Variants in MRC2 observed in about 807,000 individuals in gnomAD.
MRC2 encodes mannose receptor C-type 2, also known as C-type mannose receptor 2.
Under a neutral mutation model 206.2 loss-of-function variants are expected in MRC2, and 84 were observed. That is an observed-to-expected ratio of 0.41 (90% CI 0.34 to 0.49). The LOEUF is 0.49. MRC2 is among the 20% of genes least tolerant of loss of function. MRC2 has a pLI of 0.31. For missense variants in MRC2, 1,676 were observed against 2,001.5 expected, an observed-to-expected ratio of 0.84 and a Z score of 3.10; for synonymous variants, 798 against 800.0, an observed-to-expected ratio of 1.00 and a Z score of 0.04.
chr17:62,689,750 C>G lies in MRC2; in HGVS notation c.3563C>G (p.Ala1188Gly). Residue 1188 changes from alanine (A) to glycine (G), a missense_variant, in exon 24 of 30, where the codon GCT becomes GGT. Ala to Gly is a moderately conservative substitution (Grantham distance 60, BLOSUM62 0). This residue lies in a region of MRC2 where 1,354 missense variants were observed against 1,636.6 expected (regional missense o/e 0.83). Transcript: ENST00000303375. ...CGCACGCCGCTCTGGATTGGGCTGG[C>G]TGGCGAGGAGGTGGGCTCCCGACAC... The part of the protein sequence containing the change: ...GLRTPLWIGL[A>G]GEEGSRRYSW... 6.5e-7 allele frequency: 1 copy of G among 1,546,646 alleles called. No individual in the cohort carries two copies. The highest frequency in any genetic ancestry group is 8.7e-7 in the Non-Finnish European group (1 of 1,146,296).
intron 8 of MRC2, among the ~76,000 whole-genome samples, chr17:62,673,576 T>G (rs2088853468): frequency 6.6e-6 from 1 of 150,994 alleles, no homozygotes; most frequent in Non-Finnish European, 1.5e-5. Context: ...TGGCACGATC[T>G]TGGCTCACTG....
intron 28 of MRC2, among the ~76,000 whole-genome samples, chr17:62,691,485 T>C (rs2460290): frequency 0.9 from 136,963 of 152,148 alleles, 62,808 homozygotes; most frequent in Non-Finnish European, 0.98. Context: ...TAATAGTAGT[T>C]CCAGACTGAT....
chr17:62,659,891 T>A (rs2088661134), intron 1 of MRC2, among the ~76,000 whole-genome samples: 1 of 152,254 alleles, frequency 6.6e-6, no homozygotes, highest in Admixed American at 6.5e-5. Flanking sequence ...TATCTAGGCA[T>A]GAAATTCGTT....
Position 62,693,037 on chromosome 17 carries a change from T to C in MRC2, c.*586T>C. The C allele has an allele frequency of 6.5e-6, 1 of 154,050 alleles. No homozygotes were observed. The highest frequency in any genetic ancestry group is 1.4e-5 in the Non-Finnish European group (1 of 69,124). 9.5% of individuals were successfully genotyped at this position (154,050 alleles called of 1,614,324 possible). ...TCACTCCTGTGCCTGCTGGGGTGGC[T>C]GTGGGGCGTGGCAGGAGGGGCCTAG... On this transcript the variant is annotated 3_prime_UTR_variant, in exon 30 of 30. Coordinates refer to ENST00000303375, the MANE Select transcript of MRC2 (RefSeq NM_006039.5).
At chr17:62,631,055 TG>T (rs1433766805) in intron 1 of MRC2, among the ~76,000 whole-genome samples, 3 of 152,128 alleles carry the variant, frequency 2.0e-5, no homozygotes, top group African/African-American at 7.2e-5. Flanking sequence ...CCCCGGGTTT[TG>T]GCCCCCATTT....
chr17:62,679,000 AC>A (rs1183999433), intron 13 of MRC2, among the ~76,000 whole-genome samples: 1 of 151,306 alleles, frequency 6.6e-6, no homozygotes, highest in East Asian at 1.9e-4. Flanking sequence ...GTTTCCCCTC[AC>A]CTTACACCAT....
rs568487474 is a variant in MRC2, at chr17:62,664,425, C to T, written c.119-123C>T. On this transcript the variant is annotated intron_variant, in intron 1 of 29. Transcript: ENST00000303375. This position sits in a 1 kb window ranked among gnomAD's most constrained non-coding sequence, Gnocchi z 4.7. Reference sequence around the variant, plus strand: ...TGGTAGTGAGTACCGAGTGATTTAACGTATGAGTGACGGCTCACCATCCTG... The same window carrying T: ...TGGTAGTGAGTACCGAGTGATTTAATGTATGAGTGACGGCTCACCATCCTG... 45 of 1,103,734 alleles carry T rather than the reference C, an allele frequency of 4.1e-5. No individual in the cohort carries two copies. The South Asian group carries it at 5.7e-4, about 14-fold the overall frequency. The allele number at this position is 1,103,734 out of a possible 1,614,324, so 68.4% of individuals were successfully genotyped here. A position where few individuals can be genotyped will look rare whatever the true frequency, so the allele number is the denominator to read the frequency against.
chr17:62,633,389 G>C (rs1018757099), intron 1 of MRC2, among the ~76,000 whole-genome samples: 7 of 151,500 alleles, frequency 4.6e-5, no homozygotes, highest in African/African-American at 1.5e-4. Flanking sequence ...TGTAGTCCCA[G>C]CTACTCAGGA....
rs757037788 is a variant in MRC2 at position 62,666,244 on chromosome 17, G to A, written c.671G>A (p.Arg224His). The change falls in exon 3 of 30, where the codon CGC becomes CAC. Residue 224 changes from arginine (R) to histidine (H), a missense_variant. Physicochemically the swap from Arg to His is conservative, Grantham distance 29. Around this residue, in one of 3 missense-constraint regions of MRC2, gnomAD observed 318 missense variants for 346.7 expected, o/e 0.92. Coordinates refer to ENST00000303375, the MANE Select transcript of MRC2 (RefSeq NM_006039.5). This position sits in a 1 kb window ranked among gnomAD's most constrained non-coding sequence, Gnocchi z 5.0. Reference sequence around the variant, plus strand: ...ACCCAGGACTACGGCAAAGACGAGCGCTGGGGCTTCTGCCCCATCAAGAGT... The same window carrying A: ...ACCCAGGACTACGGCAAAGACGAGCACTGGGGCTTCTGCCCCATCAAGAGT... ...ATTQDYGKDE[R>H]WGFCPIKSND... The A allele has an allele frequency of 2.5e-6, 4 of 1,589,482 alleles. No homozygotes were observed. The highest frequency in any genetic ancestry group is 1.7e-6 in the Non-Finnish European group (2 of 1,169,126).
intron 1 of MRC2, among the ~76,000 whole-genome samples, chr17:62,663,990 C>G (rs532831091): frequency 7.9e-4 from 110 of 139,246 alleles, no homozygotes; most frequent in African/African-American, 2.5e-3. Flanking sequence ...GACGGAGTCT[C>G]GCTCTGTCGC....
In MRC2 at chr17:62,666,339, G is replaced by T; in HGVS notation, c.694+72G>T. 1 of 1,564,120 alleles carries T rather than the reference G, an allele frequency of 6.4e-7. No homozygotes were observed. ...GAGGCTGGTGCTGAGGGGCCCCGGG[G>T]CCCAGGGTGAGATACTGCCCCCTCC... is the stretch of plus-strand genomic sequence containing the variant. On this transcript the variant is annotated intron_variant, in intron 3 of 29. Transcript: ENST00000303375. This position sits in a 1 kb window ranked among gnomAD's most constrained non-coding sequence, Gnocchi z 5.0.
At position 62,680,672 on chromosome 17, in the gene MRC2, G is replaced by A. The variant is rs1215370544; in HGVS notation, c.2474-128G>A. ...CTGGGGCCTGGCACGGTGCCTGCCT[G>A]GGTCCGGTGTGCCTGCAGGCTCGCC... is the stretch of plus-strand genomic sequence containing the variant. On this transcript the variant is annotated intron_variant, in intron 16 of 29. Transcript: ENST00000303375. This position sits in a 1 kb window ranked among gnomAD's most constrained non-coding sequence, Gnocchi z 4.8. The A allele has an allele frequency of 7.7e-7, 1 of 1,306,594 alleles. No individual in the cohort carries two copies. The highest frequency in any genetic ancestry group is 1.5e-5 in the African/African-American group (1 of 66,478). The allele number at this position is 1,306,594 out of a possible 1,614,324, so 80.9% of individuals were successfully genotyped here. A position where few individuals can be genotyped will look rare whatever the true frequency, so the allele number is the denominator to read the frequency against.
intron 1 of MRC2, among the ~76,000 whole-genome samples, chr17:62,632,972 G>A (rs1282622201): frequency 6.6e-6 from 1 of 152,164 alleles, no homozygotes. Flanking sequence ...CAGTCCTCTG[G>A]AAATGTAAAT....
chr17:62,653,792 C>T (rs2088586004), intron 1 of MRC2, among the ~76,000 whole-genome samples: 1 of 151,974 alleles, frequency 6.6e-6, no homozygotes, highest in African/African-American at 2.4e-5. Flanking sequence ...GAGGGAAACC[C>T]ACCATGGTTC....
intron 18 of MRC2, chr17:62,681,575 T>C: frequency 4.1e-6 from 2 of 488,338 alleles, no homozygotes; most frequent in Non-Finnish European, 7.2e-6. Context: ...CTTTTTGCCC[T>C]TGGGCTTCCT....
chr17:62,687,637 G>A (rs1296019740), intron 20 of MRC2, among the ~76,000 whole-genome samples: 5 of 152,234 alleles, frequency 3.3e-5, no homozygotes, highest in Admixed American at 3.3e-4. Context: ...AAATTACAGA[G>A]TTAGAAGCTG....
In MRC2 at chr17:62,679,801, G is replaced by T; in HGVS notation, c.2197G>T (p.Glu733Ter). 6.2e-7 allele frequency: 1 copy of T among 1,613,766 alleles called. No individual in the cohort carries two copies. Among genetic ancestry groups the T allele is most frequent in the Non-Finnish European group, 8.5e-7 (1 of 1,179,910 alleles). Residue 733 changes from glutamate (E) to a stop codon, truncating the protein, a stop_gained and splice_region_variant, in exon 14 of 30, where the codon GAA (glutamate) becomes TAA (stop). Coordinates refer to ENST00000303375, the MANE Select transcript of MRC2 (RefSeq NM_006039.5). LOFTEE classifies it high-confidence loss of function. ...CCCCACTCCTGGGTTGTGCTGAAGT[G>T]AATCAGAACCCGAGATCCACGAGCA... ...VANMLNKIFG[E>*]SEPEIHEQHW...
chr17:62,674,233 G>T, intron 9 of MRC2, 63 bp downstream of exon 9: 3 of 1,268,842 alleles, frequency 2.4e-6, no homozygotes, highest in South Asian at 1.4e-5. Flanking sequence ...CCAGGGGAGG[G>T]AGAGGTGGAT....
At chr17:62,631,906 G>T (rs1288619852) in intron 1 of MRC2, among the ~76,000 whole-genome samples, 1 of 152,158 alleles carries the variant, frequency 6.6e-6, no homozygotes, top group Non-Finnish European at 1.5e-5. Context: ...AGTAGAGATG[G>T]CCATGGCCTA....
Sources: allele counts gnomAD v4.1 joint callset (sites outside exome capture counted in the v4.1 genomes callset), GRCh38; gene constraint gnomAD v4.1.1; regional missense constraint gnomAD v4.1.1; non-coding constraint Gnocchi (gnomAD v3.1); transcripts MANE v1.5; gene names NCBI Gene and HGNC (gene_info 2026-07-23, HGNC 2026-07-21).